Variants in ARMC10 observed in about 807,000 individuals in gnomAD.
ARMC10 encodes armadillo repeat containing 10, also known as armadillo repeat-containing protein 10.
A neutral mutation model predicts 30.2 loss-of-function variants in ARMC10; 23 were observed. That is an observed-to-expected ratio of 0.76 (90% CI 0.55 to 1.08). The LOEUF is 1.08. ARMC10 is among the 50% of genes least tolerant of loss of function. ARMC10 has a pLI of 0.00. For missense variants in ARMC10, 303 were observed against 413.7 expected, an observed-to-expected ratio of 0.73 and a Z score of 2.32; for synonymous variants, 111 against 164.4, an observed-to-expected ratio of 0.68 and a Z score of 2.48.
intron 2 of ARMC10, among the ~76,000 whole-genome samples, chr7:103,079,483 C>G (rs1800188046): frequency 6.6e-6 from 1 of 152,194 alleles, no homozygotes; most frequent in Non-Finnish European, 1.5e-5. Context: ...TAGTAGCATC[C>G]TTATCAAACT....
rs745373014 is a variant in ARMC10, at chr7:103,092,654, G to T, written c.705+1G>T. On this transcript the variant is annotated splice_donor_variant, in intron 5 of 6. Coordinates refer to ENST00000323716, the MANE Select transcript of ARMC10 (RefSeq NM_031905.5). LOFTEE classifies it high-confidence loss of function. ...ACTTACTGGAAATGGAAACACGAAG[G>T]TATGAAGAGCTATTGTGTCAAGCTT... 5 of 1,560,606 alleles carry T rather than the reference G, an allele frequency of 3.2e-6. No individual in the cohort carries two copies. In the South Asian group the frequency reaches 4.6e-5, roughly 14 times the overall value.
At chr7:103,090,387 C>T (rs778768757) in intron 4 of ARMC10, among the ~76,000 whole-genome samples, 11 of 152,160 alleles carry the variant, frequency 7.2e-5, no homozygotes, top group East Asian at 1.9e-4. Context: ...TAGGGCCAGG[C>T]GTGGTGGCTC....
chr7:103,076,745 G>C (rs1055711742), intron 2 of ARMC10, among the ~76,000 whole-genome samples: 4 of 152,210 alleles, frequency 2.6e-5, no homozygotes, highest in African/African-American at 7.2e-5. Flanking sequence ...TGAGGCAGGA[G>C]AATCACTTGA....
Position 103,097,257 on chromosome 7 carries a change from C to A in ARMC10, c.706-20C>A. 1 of 1,602,708 alleles carries A rather than the reference C, an allele frequency of 6.2e-7. No individual in the cohort carries two copies. The highest frequency in any genetic ancestry group is 8.5e-7 in the Non-Finnish European group (1 of 1,169,774). ...TTCATGCTTGCCAGTCTGAGATAAG[C>A]CAGTATCATCTTCTTTCAGGTGCAA... On this transcript the variant is annotated intron_variant, in intron 5 of 6. Coordinates refer to ENST00000323716, the MANE Select transcript of ARMC10 (RefSeq NM_031905.5).
chr7:103,079,374 G>A (rs1052352196), intron 2 of ARMC10, among the ~76,000 whole-genome samples: 7 of 152,136 alleles, frequency 4.6e-5, no homozygotes, highest in Admixed American at 1.3e-4. Flanking sequence ...ATAAAAACTT[G>A]CAGCAAGTAA....
At chr7:103,094,026 A>ACC (rs1801564645) in intron 5 of ARMC10, among the ~76,000 whole-genome samples, 1 of 152,258 alleles carries the variant, frequency 6.6e-6, no homozygotes, top group Non-Finnish European at 1.5e-5. Flanking sequence ...GATTTTCCAT[A>ACC]AAAATTGAGT....
At position 103,083,090 on chromosome 7, in the gene ARMC10, C is replaced by T. The variant is rs577912823; in HGVS notation, c.245-592C>T. The T allele has an allele frequency of 5.0e-5, 23 of 456,590 alleles. No homozygotes were observed. The East Asian group carries it at 1.4e-3, about 28-fold the overall frequency. 28.3% of individuals were successfully genotyped at this position (456,590 alleles called of 1,614,324 possible). On this transcript the variant is annotated intron_variant, in intron 2 of 6. Transcript: ENST00000323716. ...GGTAAGTGTTCATTGGATGGGTGTACCTCGTTTTTAAAAGGAGAAGCAAAA... is the reference window on the plus strand; with the variant it reads ...GGTAAGTGTTCATTGGATGGGTGTATCTCGTTTTTAAAAGGAGAAGCAAAA...
chr7:103,085,177 T>C (rs1413561346), intron 3 of ARMC10, among the ~76,000 whole-genome samples: 1 of 149,414 alleles, frequency 6.7e-6, no homozygotes, highest in Non-Finnish European at 1.5e-5. Flanking sequence ...CAGTACCCAC[T>C]GGAGAAGAAG....
Position 103,086,677 on chromosome 7 carries a change from C to T in ARMC10, c.441C>T (p.Ile147=), listed in dbSNP as rs760428556. 6.3e-7 allele frequency: 1 copy of T among 1,589,626 alleles called. No individual in the cohort carries two copies. The highest frequency in any genetic ancestry group is 1.9e-5 in the Admixed American group (1 of 53,478). Residue 147 remains isoleucine (I), a synonymous_variant, in exon 4 of 7, where the codon ATC becomes ATT. Transcript: ENST00000323716. ...LGGIPIVANK[I]NHSNQSIKEK... ...GTATTCCAATTGTTGCAAACAAAAT[C>T]AACCATTCCAACCAGAGTATTAAAG... is the stretch of plus-strand genomic sequence containing the variant.
intron 3 of ARMC10, 21 bp downstream of exon 3, chr7:103,083,851 A>G (rs1297007684): frequency 1.2e-6 from 2 of 1,610,506 alleles, no homozygotes; most frequent in Admixed American, 3.4e-5. Context: ...CAACTCAGCA[A>G]GCAAGCTCTT....
rs371290359 is a variant in ARMC10, at chr7:103,075,462, C to T, written c.139+51C>T. ...TGGGCGGGGACTGGGCAGGGGGGCT[C>T]CCCAGGCCGGGGTGGTGGCTTGCGT... is the stretch of plus-strand genomic sequence containing the variant. On this transcript the variant is annotated intron_variant, in intron 1 of 6. Coordinates refer to ENST00000323716, the MANE Select transcript of ARMC10 (RefSeq NM_031905.5). 63 of 1,273,170 alleles carry T rather than the reference C, an allele frequency of 4.9e-5. No homozygotes were observed. The East Asian group carries it at 1.7e-3, about 34-fold the overall frequency. The allele number at this position is 1,273,170 out of a possible 1,614,324, so 78.9% of individuals were successfully genotyped here.
At chr7:103,082,311 T>G (rs1414721851) in intron 2 of ARMC10, among the ~76,000 whole-genome samples, 1 of 152,164 alleles carries the variant, frequency 6.6e-6, no homozygotes, top group Admixed American at 6.5e-5. Context: ...TAATCTATAC[T>G]TGTCCCTTTA....
intron 3 of ARMC10, among the ~76,000 whole-genome samples, chr7:103,086,239 C>G (rs1800841119): frequency 6.6e-6 from 1 of 152,006 alleles, no homozygotes; most frequent in South Asian, 2.1e-4. Context: ...ATTCTAAATC[C>G]AAAACACTAA....
chr7:103,085,182 A>G (rs968229339), intron 3 of ARMC10, among the ~76,000 whole-genome samples: 4 of 152,054 alleles, frequency 2.6e-5, no homozygotes, highest in Non-Finnish European at 5.9e-5. Flanking sequence ...CCCACTGGAG[A>G]AGAAGTACTT....
intron 2 of ARMC10, chr7:103,083,130 G>A (rs771314694): frequency 4.4e-6 from 2 of 456,612 alleles, no homozygotes; most frequent in East Asian, 6.9e-5. Flanking sequence ...ATCAGCATTT[G>A]AGGTATATAG....
In ARMC10 at chr7:103,097,364, ATTTATTTTGTAAAT is replaced by A. The variant is rs777062085; in HGVS notation, c.777+17_777+30del. 3 of 1,564,990 alleles carry A rather than the reference ATTTATTTTGTAAAT, an allele frequency of 1.9e-6. No individual in the cohort carries two copies. The highest frequency in any genetic ancestry group is 4.5e-5 in the East Asian group (2 of 44,420). On this transcript the variant is annotated intron_variant, in intron 6 of 6. Transcript: ENST00000323716. Reference sequence around the variant, plus strand: ...CCGTGCCCAAGTAAATAGCTTATATATTTATTTTGTAAATATACACATATATACATTTGAACAGA... The same window carrying A: ...CCGTGCCCAAGTAAATAGCTTATATAATACACATATATACATTTGAACAGA...
At chr7:103,082,616 T>A (rs1355195939) in intron 2 of ARMC10, among the ~76,000 whole-genome samples, 1 of 152,118 alleles carries the variant, frequency 6.6e-6, no homozygotes, top group Non-Finnish European at 1.5e-5. Flanking sequence ...AGAGATGAGC[T>A]GCTATGCCCA....
rs755181145 is a variant in ARMC10, at chr7:103,075,829, G to A, written c.192G>A (p.Arg64=). The A allele has an allele frequency of 9.9e-6, 16 of 1,611,270 alleles. No individual in the cohort carries two copies. Among genetic ancestry groups the A allele is most frequent in the Non-Finnish European group, 1.3e-5 (15 of 1,178,888 alleles). Reference sequence around the variant, plus strand: ...GTCAGTTGTGCGGGCGCTCGGCCCGGCCTCAGACGGGAGGTACCTGGGAGT... The same window carrying A: ...GTCAGTTGTGCGGGCGCTCGGCCCGACCTCAGACGGGAGGTACCTGGGAGT... ...SEGQLCGRSA[R]PQTGGTWESQ... is the part of the protein sequence containing the mutation. The change falls in exon 2 of 7, where the codon CGG becomes CGA. Residue 64 remains arginine (R), a synonymous_variant. Transcript: ENST00000323716.
Position 103,075,153 on chromosome 7 carries a change from A to C in ARMC10, c.-120A>C. 1.5e-6 allele frequency: 1 copy of C among 679,402 alleles called. No homozygotes were observed. Among genetic ancestry groups the C allele is most frequent in the East Asian group, 7.3e-5 (1 of 13,664 alleles). The allele number at this position is 679,402 out of a possible 1,614,324, so 42.1% of individuals were successfully genotyped here. ...AGCTCAGACCCCATTTCCTTTCTCCACATCCAGGTCAGGTGGCGTTTGCTG... is the reference window on the plus strand; with the variant it reads ...AGCTCAGACCCCATTTCCTTTCTCCCCATCCAGGTCAGGTGGCGTTTGCTG... On this transcript the variant is annotated 5_prime_UTR_variant, in exon 1 of 7. Coordinates refer to ENST00000323716, the MANE Select transcript of ARMC10 (RefSeq NM_031905.5).
Sources: allele counts gnomAD v4.1 joint callset (sites outside exome capture counted in the v4.1 genomes callset), GRCh38; gene constraint gnomAD v4.1.1; transcripts MANE v1.5; gene names NCBI Gene and HGNC (gene_info 2026-07-23, HGNC 2026-07-21).